Variants in ADD1 observed in about 807,000 individuals in gnomAD.
ADD1 encodes alpha-adducin.
In ADD1, 24 loss-of-function variants were observed where a neutral mutation model predicts 80.5. That is an observed-to-expected ratio of 0.30 (90% CI 0.22 to 0.42). The LOEUF is 0.42. ADD1 is among the 10% of genes least tolerant of loss of function. The pLI is 1.00. For synonymous variants in ADD1, 373 were observed against 393.8 expected (o/e 0.95, Z 0.63); for missense variants, 948 against 1,019.0 (o/e 0.93, Z 0.95).
rs151154486 is a variant in ADD1, at chr4:2,895,578, G to T, written c.741+847G>T. ...CAACCAGCAGGACCCAGGCTGGATT[G>T]TGACGGGGAAGAAGAAAAGGAGCGG... On this transcript the variant is annotated intron_variant, in intron 6 of 15. Transcript: ENST00000683351. Among the ~76,000 whole-genome samples, 22 of 152,246 alleles carry T rather than the reference G, an allele frequency of 1.4e-4. No homozygotes were observed. In the East Asian group the frequency reaches 3.7e-3, roughly 25 times the overall value.
At chr4:2,846,156 T>G (rs1726168881) in intron 1 of ADD1, among the ~76,000 whole-genome samples, 1 of 152,262 alleles carries the variant, frequency 6.6e-6, no homozygotes, top group Non-Finnish European at 1.5e-5. Context: ...ATTCTCATTT[T>G]TTTTCTTAAC....
At chr4:2,893,460 A>G (rs1006400963) in intron 4 of ADD1, among the ~76,000 whole-genome samples, 43 of 152,170 alleles carry the variant, frequency 2.8e-4, no homozygotes, top group African/African-American at 9.6e-4. Context: ...ACAAAATACA[A>G]TAATTAGCTG....
chr4:2,907,950 G>T, intron 11 of ADD1, 106 bp downstream of exon 11: 1 of 848,152 alleles, frequency 1.2e-6, no homozygotes. Context: ...GGCATCTGCT[G>T]TTGTTGCCAC....
intron 1 of ADD1, among the ~76,000 whole-genome samples, chr4:2,848,991 A>G (rs563246468): frequency 3.3e-4 from 50 of 152,322 alleles, no homozygotes; most frequent in African/African-American, 1.1e-3. Flanking sequence ...TATGAAGTAT[A>G]TCTATAGATA....
At chr4:2,882,200 A>G (rs780475507) in intron 3 of ADD1, 140 bp downstream of exon 3, 12 of 783,730 alleles carry the variant, frequency 1.5e-5, no homozygotes, top group Non-Finnish European at 2.3e-5. Flanking sequence ...TGTTTTCGTT[A>G]GTCATAGTAA....
At chr4:2,918,849 GTTTT>G (rs59901638) in intron 14 of ADD1, among the ~76,000 whole-genome samples, 1 of 143,872 alleles carries the variant, frequency 7.0e-6, no homozygotes. Flanking sequence ...TTGTTATTTG[GTTTT>G]TTTTTTTTTC....
chr4:2,917,008 G>A (rs936852329), intron 14 of ADD1, among the ~76,000 whole-genome samples: 1 of 152,126 alleles, frequency 6.6e-6, no homozygotes, highest in Non-Finnish European at 1.5e-5. Flanking sequence ...GTGTGCATGT[G>A]TCTTTATCAT....
Position 2,926,806 on chromosome 4 carries a change from C to G in ADD1, c.2047+694C>G. On this transcript the variant is annotated intron_variant, in intron 15 of 15. Transcript: ENST00000683351. The surrounding 1 kb of genome is among the most constrained non-coding windows in gnomAD (Gnocchi z 5.0). ...AAACAGAAGCCCCCCTTTTTTGTAC[C>G]CAGTCCCTTGGAGGCCTTCCTGGAA... is the stretch of plus-strand genomic sequence containing the variant. 1 of 1,082,564 alleles carries G rather than the reference C, an allele frequency of 9.2e-7. No homozygotes were observed. The highest frequency in any genetic ancestry group is 1.5e-5 in the South Asian group (1 of 66,254). 67.1% of individuals were successfully genotyped at this position (1,082,564 alleles called of 1,614,324 possible). A position where few individuals can be genotyped will look rare whatever the true frequency, so the allele number is the denominator to read the frequency against.
At chr4:2,892,961 GC>G (rs1276584033) in intron 4 of ADD1, among the ~76,000 whole-genome samples, 1 of 151,908 alleles carries the variant, frequency 6.6e-6, no homozygotes, top group Non-Finnish European at 1.5e-5. Flanking sequence ...TGTCACCCAG[GC>G]TAGAGTGCAG....
intron 1 of ADD1, among the ~76,000 whole-genome samples, chr4:2,868,667 T>A (rs1185419679): frequency 1.3e-5 from 2 of 152,122 alleles, no homozygotes; most frequent in African/African-American, 2.4e-5. Flanking sequence ...TGTACAAACA[T>A]GAGTTAGAAA....
chr4:2,899,621 G>T (rs1346357260), intron 9 of ADD1, 186 bp downstream of exon 9: 2 of 687,104 alleles, frequency 2.9e-6, no homozygotes, highest in Admixed American at 2.4e-5. Flanking sequence ...AGAGGTGAAG[G>T]ATTCCTGGTA....
Position 2,894,698 on chromosome 4 carries a change from C to T in ADD1, c.708C>T (p.Cys236=), listed in dbSNP as rs16843169. ...ATGCTGCACGCCCGGACGTGAAGTG[C>T]GTCGTGCACATTCACACCCCAGCAG... ...AIYAARPDVK[C]VVHIHTPAGA... The change falls in exon 6 of 16, where the codon TGC becomes TGT. Residue 236 remains cysteine, a synonymous_variant. Coordinates refer to ENST00000683351, the MANE Select transcript of ADD1 (RefSeq NM_001354761.2). The T allele has an allele frequency of 9.1e-3, 14,647 of 1,602,526 alleles. 158 individuals are homozygous for T. Among genetic ancestry groups the T allele is most frequent in the African/African-American group, 0.046 (3,428 of 74,014 alleles).
chr4:2,921,291 C>T (rs548177111), intron 14 of ADD1, among the ~76,000 whole-genome samples: 7 of 152,268 alleles, frequency 4.6e-5, no homozygotes, highest in Admixed American at 6.5e-5. Flanking sequence ...GCATGCCCAG[C>T]TAATTTTTTT....
At chr4:2,884,420 G>T in intron 3 of ADD1, 95 bp from the exon 4 acceptor site, 1 of 1,006,750 alleles carries the variant, frequency 9.9e-7, no homozygotes, top group Non-Finnish European at 1.4e-6. Flanking sequence ...CAAACTCATG[G>T]CTTCAAGTGA....
At chr4:2,909,713 T>A (rs1737695167) in intron 13 of ADD1, among the ~76,000 whole-genome samples, 2 of 152,076 alleles carry the variant, frequency 1.3e-5, no homozygotes, top group African/African-American at 2.4e-5. Flanking sequence ...CGCACGGGAC[T>A]TTGGTCAGTG....
chr4:2,854,969 G>C (rs573900753), intron 1 of ADD1: 26 of 152,300 alleles, frequency 1.7e-4, no homozygotes, highest in African/African-American at 5.5e-4. Context: ...GCCTCTTCCA[G>C]CTTCTCATGG....
At chr4:2,859,738 G>C (rs913135791) in intron 1 of ADD1, among the ~76,000 whole-genome samples, 2 of 152,164 alleles carry the variant, frequency 1.3e-5, no homozygotes, top group Non-Finnish European at 1.5e-5. Flanking sequence ...CCATTTTGGA[G>C]GTTTTCTTTA....
chr4:2,907,928 C>A, intron 11 of ADD1, 84 bp downstream of exon 11: 1 of 1,110,680 alleles, frequency 9.0e-7, no homozygotes, highest in Non-Finnish European at 1.4e-6. Context: ...CGGGTGCTTG[C>A]TTCTAGCAGA....
intron 4 of ADD1, 60 bp downstream of exon 4, chr4:2,884,726 C>T: frequency 6.7e-7 from 1 of 1,490,184 alleles, no homozygotes; most frequent in East Asian, 2.4e-5. Flanking sequence ...TCTGGCACCA[C>T]CTCTTTCCAT....
Sources: allele counts gnomAD v4.1 joint callset (sites outside exome capture counted in the v4.1 genomes callset), GRCh38; gene constraint gnomAD v4.1.1; non-coding constraint Gnocchi (gnomAD v3.1); transcripts MANE v1.5; gene names NCBI Gene and HGNC (gene_info 2026-07-23, HGNC 2026-07-21).